ENOX1: variants seen among roughly 807,000 people sequenced by gnomAD.
The protein encoded by ENOX1 is candidate growth-related and time keeping constitutive hydroquinone (NADH) oxidase.
In ENOX1, 42 loss-of-function variants were observed where a neutral mutation model predicts 82.5. The observed-to-expected ratio is 0.51, with a 90% CI of 0.40 to 0.66. ENOX1 has a LOEUF of 0.66. ENOX1 is among the 30% of genes least tolerant of loss of function. ENOX1 has a pLI of 0.00. For synonymous variants in ENOX1, 271 were observed against 282.2 expected (o/e 0.96, Z 0.40); for missense variants, 608 against 811.6 (o/e 0.75, Z 3.05).
chr13:43,301,895 A>T (rs1012001893), intron 11 of ENOX1, among the ~76,000 whole-genome samples: 1 of 152,206 alleles, frequency 6.6e-6, no homozygotes, highest in East Asian at 1.9e-4. Flanking sequence ...CAGAAAAAAA[A>T]TCCTAATAAT....
chr13:43,398,504 C>A lies in ENOX1; in HGVS notation c.208+13412G>T, dbSNP rs1410514128. 2.6e-5 allele frequency among the ~76,000 whole-genome samples: 4 copies of A among 152,094 alleles called. No homozygotes were observed. In the East Asian group the frequency reaches 5.8e-4, roughly 22 times the overall value. On this transcript the variant is annotated intron_variant, in intron 5 of 16. Coordinates refer to ENST00000690772, the MANE Select transcript of ENOX1 (RefSeq NM_001347969.2). ...TTCCAGAGGATGCTGAAACAGATGA[C>A]CTGCAGCAAATACTCTAATGTAATT...
intron 3 of ENOX1, among the ~76,000 whole-genome samples, chr13:43,414,563 G>A (rs1024482179): frequency 6.6e-6 from 1 of 152,148 alleles, no homozygotes; most frequent in South Asian, 2.1e-4. Context: ...TAAATGTCTG[G>A]TCTATTCACC....
chr13:43,616,138 C>CTATA lies in ENOX1; in HGVS notation c.-219+51340_-219+51341insTATA, dbSNP rs1364614503. 3.7e-3 allele frequency among the ~76,000 whole-genome samples: 81 copies of CTATA among 21,622 alleles called. 12 individuals carry two copies. Among genetic ancestry groups the CTATA allele is most frequent in the South Asian group, 0.022 (5 of 226 alleles). The allele number at this position is 21,622 out of a possible 152,430, so 14.2% of individuals were successfully genotyped here. ...TATAGATCTATAGATATCTATCTAT[C>CTATA]TAGATATCTATATAGATAGATATCT... is the stretch of plus-strand genomic sequence containing the variant. On this transcript the variant is annotated intron_variant, in intron 2 of 16. Transcript: ENST00000690772.
chr13:43,364,754 A>G (rs1200908889), intron 5 of ENOX1, among the ~76,000 whole-genome samples: 1 of 152,202 alleles, frequency 6.6e-6, no homozygotes, highest in East Asian at 1.9e-4. Context: ...GGAGTTACAG[A>G]GGTAACAGTA....
chr13:43,661,900 C>T (rs1047496680), intron 2 of ENOX1, among the ~76,000 whole-genome samples: 1 of 152,190 alleles, frequency 6.6e-6, no homozygotes, highest in Non-Finnish European at 1.5e-5. Flanking sequence ...CTTTTCTCAT[C>T]ATTTGTCTCA....
intron 2 of ENOX1, among the ~76,000 whole-genome samples, chr13:43,652,244 C>T (rs1566710916): frequency 6.6e-6 from 1 of 152,100 alleles, no homozygotes; most frequent in South Asian, 2.1e-4. Context: ...CAGCCATCTC[C>T]AAGGACATAA....
intron 2 of ENOX1, among the ~76,000 whole-genome samples, chr13:43,590,889 T>C (rs2081219368): frequency 1.3e-5 from 2 of 151,016 alleles, no homozygotes; most frequent in African/African-American, 4.9e-5. Flanking sequence ...ACATAAGTGG[T>C]CAAAAAAAAG....
chr13:43,245,427 G>A lies in ENOX1; in HGVS notation c.1612-8689C>T, dbSNP rs573350556. 3.9e-5 allele frequency among the ~76,000 whole-genome samples: 6 copies of A among 152,304 alleles called. No individual in the cohort carries two copies. The East Asian group carries it at 9.6e-4, about 24-fold the overall frequency. On this transcript the variant is annotated intron_variant, in intron 14 of 16. Coordinates refer to ENST00000690772, the MANE Select transcript of ENOX1 (RefSeq NM_001347969.2). Reference sequence around the variant, plus strand: ...ATTTCTGATGCCAGTAAGAATTAGAGAGGAAAGAGGAAGCAGAGTGAGAAA... The same window carrying A: ...ATTTCTGATGCCAGTAAGAATTAGAAAGGAAAGAGGAAGCAGAGTGAGAAA...
rs547346138 is a variant in ENOX1 at position 43,445,366 on chromosome 13, G to A, written c.-74-32378C>T. On this transcript the variant is annotated intron_variant, in intron 3 of 16. Coordinates refer to ENST00000690772, the MANE Select transcript of ENOX1 (RefSeq NM_001347969.2). ...TCTTGATCTCCTGACCTCGTGATCT[G>A]CCCGCCTTGGCCTCCCAAAGTGCTG... Among the ~76,000 whole-genome samples, 343 of 152,182 alleles carry A rather than the reference G, an allele frequency of 2.3e-3. 3 individuals are homozygous for A. The highest frequency in any genetic ancestry group is 4.0e-3 in the Non-Finnish European group (275 of 67,998).
At chr13:43,264,856 C>T (rs891792735) in intron 14 of ENOX1, among the ~76,000 whole-genome samples, 2 of 152,314 alleles carry the variant, frequency 1.3e-5, no homozygotes, top group East Asian at 1.9e-4. Flanking sequence ...GAGGAAGTCA[C>T]GGTGTAACTG....
rs111412955 is a variant in ENOX1, at chr13:43,468,267, C to T, written c.-75+15742G>A. Among the ~76,000 whole-genome samples, 1,334 of 149,974 alleles carry T rather than the reference C, an allele frequency of 8.9e-3. 17 individuals carry two copies. The highest frequency in any genetic ancestry group is 0.031 in the African/African-American group (1,276 of 40,700). ...TGTGATCTCGGCTCACTGCAACCTC[C>T]GCCTCCTGGGTTCAAGCAATTCTCC... On this transcript the variant is annotated intron_variant, in intron 3 of 16. Coordinates refer to ENST00000690772, the MANE Select transcript of ENOX1 (RefSeq NM_001347969.2).
At chr13:43,608,314 G>A (rs1396555116) in intron 2 of ENOX1, among the ~76,000 whole-genome samples, 1 of 152,106 alleles carries the variant, frequency 6.6e-6, no homozygotes, top group Non-Finnish European at 1.5e-5. Flanking sequence ...CCTATTTAAT[G>A]TCACATATAT....
In ENOX1 at chr13:43,234,554, A is replaced by C. The variant is rs564390459; in HGVS notation, c.1714+2082T>G. On this transcript the variant is annotated intron_variant, in intron 15 of 16. Coordinates refer to ENST00000690772, the MANE Select transcript of ENOX1 (RefSeq NM_001347969.2). ...TAACTTCAAATGCTAATATTAGTAA[A>C]CTAGTTCAAAAGACCAACAGTGAGG... Among the ~76,000 whole-genome samples, 22 of 152,330 alleles carry C rather than the reference A, an allele frequency of 1.4e-4. No homozygotes were observed. The East Asian group carries it at 4.2e-3, about 29-fold the overall frequency.
chr13:43,682,690 GA>G lies in ENOX1; in HGVS notation c.-284-15147del, dbSNP rs371281775. Among the ~76,000 whole-genome samples, 275 of 151,872 alleles carry G rather than the reference GA, an allele frequency of 1.8e-3. 2 individuals carry two copies. In the Middle Eastern group the frequency reaches 0.031, roughly 17 times the overall value. ...AGATTTGAAAGTTTCTAAGGAAGGG[GA>G]AAAAAAACCACATTGCTGCATCCTC... On this transcript the variant is annotated intron_variant, in intron 1 of 16. Coordinates refer to ENST00000690772, the MANE Select transcript of ENOX1 (RefSeq NM_001347969.2).
At position 43,421,595 on chromosome 13, in the gene ENOX1, C is replaced by G. The variant is rs115911466; in HGVS notation, c.-74-8607G>C. ...CCTAAGGAGAGATGCCACTCCTACT[C>G]TTTTTCCAGTTTTCTGTTAAGGCAG... On this transcript the variant is annotated intron_variant, in intron 3 of 16. Transcript: ENST00000690772. Among the ~76,000 whole-genome samples, 438 of 152,280 alleles carry G rather than the reference C, an allele frequency of 2.9e-3. 1 individual carries two copies. Among genetic ancestry groups the G allele is most frequent in the African/African-American group, 0.01 (422 of 41,570 alleles).
At chr13:43,349,226 A>T (rs1035970935) in intron 8 of ENOX1, among the ~76,000 whole-genome samples, 15 of 152,244 alleles carry the variant, frequency 9.9e-5, no homozygotes, top group African/African-American at 3.4e-4. Flanking sequence ...TGATCCCGTT[A>T]TACTTCAGGC....
chr13:43,501,084 TATAAAA>T (rs2076964621), intron 2 of ENOX1, among the ~76,000 whole-genome samples: 1 of 151,440 alleles, frequency 6.6e-6, no homozygotes, highest in Non-Finnish European at 1.5e-5. Context: ...ACCAAATAAA[TATAAAA>T]ATAAGATTCA....
chr13:43,267,309 T>G (rs530561412), intron 13 of ENOX1, among the ~76,000 whole-genome samples: 4 of 152,216 alleles, frequency 2.6e-5, no homozygotes, highest in Non-Finnish European at 5.9e-5. Flanking sequence ...GTAAATGAGA[T>G]GAAAGGCAGG....
At chr13:43,354,464 G>A (rs986501580) in intron 8 of ENOX1, among the ~76,000 whole-genome samples, 1 of 148,102 alleles carries the variant, frequency 6.8e-6, no homozygotes, top group Admixed American at 6.7e-5. Flanking sequence ...CACCCCCGCT[G>A]CCACCTTTTT....
Sources: gnomAD v4.1 joint callset for allele counts (sites outside exome capture counted in the v4.1 genomes callset) on GRCh38, gnomAD v4.1.1 for gene constraint, MANE v1.5 for transcripts, NCBI Gene and HGNC (gene_info 2026-07-23, HGNC 2026-07-21) for gene names.